Variants in TENM2 observed in about 807,000 individuals in gnomAD.
TENM2 encodes the protein teneurin transmembrane protein 2.
Under a neutral mutation model 245.2 loss-of-function variants are expected in TENM2, and 52 were observed. The ratio of observed to expected loss-of-function variants is 0.21; its 90% confidence interval spans 0.17 to 0.27. The LOEUF (loss-of-function observed/expected upper bound fraction) is 0.27. Among genes scored for constraint, TENM2 ranks in the 10% least tolerant of loss-of-function variants. TENM2 has a pLI of 1.00. For synonymous variants in TENM2, 1,363 were observed against 1,438.9 expected (o/e 0.95, Z 1.19); for missense variants, 3,046 against 3,666.8 (o/e 0.83, Z 4.37).
chr5:167,257,038 C>G, the TENM2 span, among the ~76,000 whole-genome samples: 1 of 152,164 alleles, frequency 6.6e-6, no homozygotes, highest in Admixed American at 6.5e-5. Flanking sequence ...TTCTTCAATA[C>G]TCTAGGAGTT....
chr5:167,549,755 GT>G (rs913331359), intron 2 of TENM2, among the ~76,000 whole-genome samples: 115 of 147,378 alleles, frequency 7.8e-4, no homozygotes, highest in Non-Finnish European at 1.1e-3. Flanking sequence ...GCTGTTTTTT[GT>G]TTTTTTTTTA....
rs115169536 is a variant in TENM2, at chr5:168,071,128, T to A, written c.1515+8863T>A. Among the ~76,000 whole-genome samples the A allele has an allele frequency of 8.3e-3, 1,270 of 152,312 alleles. 14 individuals are homozygous for A. Among genetic ancestry groups the A allele is most frequent in the African/African-American group, 0.029 (1,215 of 41,574 alleles). On this transcript the variant is annotated intron_variant, in intron 7 of 28. Transcript: ENST00000518659. ...CCAATACTTCCAAGCTGTATGACCTTGGGCAAGTCATTCAGCCTTTCTGTG... is the reference window on the plus strand; with the variant it reads ...CCAATACTTCCAAGCTGTATGACCTAGGGCAAGTCATTCAGCCTTTCTGTG...
Position 167,932,561 on chromosome 5 carries a change from A to G in TENM2, c.713-20027A>G, listed in dbSNP as rs546291050. Among the ~76,000 whole-genome samples, 3 of 152,254 alleles carry G rather than the reference A, an allele frequency of 2.0e-5. No homozygotes were observed. In the South Asian group the frequency reaches 6.2e-4, roughly 32 times the overall value. ...ATTCATTCAAACATACATATAATAT[A>G]CAATAAACATACATACATATGTGTG... On this transcript the variant is annotated intron_variant, in intron 3 of 28. Coordinates refer to ENST00000518659, the Ensembl canonical transcript of TENM2.
chr5:167,559,192 G>T (rs569252764), intron 2 of TENM2, among the ~76,000 whole-genome samples: 6 of 152,264 alleles, frequency 3.9e-5, no homozygotes, highest in African/African-American at 9.6e-5. Flanking sequence ...TAGTTGGTTG[G>T]TTGCACTTCT....
At position 167,290,492 on chromosome 5, in the gene TENM2, C is replaced by T. The variant is rs146049491; in HGVS notation, c.226+5429C>T. On this transcript the variant is annotated intron_variant, in intron 1 of 28. Coordinates refer to ENST00000518659, the Ensembl canonical transcript of TENM2. ...GAAGTGGCGATCACTTGCTCTCCGACCCTAATAATACTTTGGTGCAACAGA... is the reference window on the plus strand; with the variant it reads ...GAAGTGGCGATCACTTGCTCTCCGATCCTAATAATACTTTGGTGCAACAGA... 2.7e-3 allele frequency among the ~76,000 whole-genome samples: 404 copies of T among 152,232 alleles called. 8 individuals carry two copies. The East Asian group carries it at 0.045, about 17-fold the overall frequency.
intron 12 of TENM2, among the ~76,000 whole-genome samples, chr5:168,137,095 T>C (rs1422439561): frequency 6.6e-6 from 1 of 152,088 alleles, no homozygotes; most frequent in Non-Finnish European, 1.5e-5. Context: ...AAAAAGTACG[T>C]CCTGCCAGTT....
chr5:166,986,753 G>A, the TENM2 span, among the ~76,000 whole-genome samples: 2 of 152,108 alleles, frequency 1.3e-5, no homozygotes, highest in Non-Finnish European at 2.9e-5. Context: ...GGTAAATTAC[G>A]ACTTATTGTG....
At chr5:167,279,236 C>T in the TENM2 span, among the ~76,000 whole-genome samples, 5 of 152,122 alleles carry the variant, frequency 3.3e-5, no homozygotes, top group Non-Finnish European at 5.9e-5. Context: ...AGAAGTTTGA[C>T]TATGGATGCA....
At chr5:167,475,054 C>A (rs1018699368) in intron 2 of TENM2, among the ~76,000 whole-genome samples, 11 of 152,044 alleles carry the variant, frequency 7.2e-5, no homozygotes, top group African/African-American at 9.7e-5. Context: ...ATTGTCGGAG[C>A]TAACCATAAA....
chr5:167,027,456 T>G, the TENM2 span, among the ~76,000 whole-genome samples: 2 of 152,208 alleles, frequency 1.3e-5, no homozygotes, highest in African/African-American at 2.4e-5. Context: ...AGCATTTAGT[T>G]TATATCTAAA....
intron 2 of TENM2, among the ~76,000 whole-genome samples, chr5:167,709,106 G>A (rs1485458666): frequency 1.3e-5 from 2 of 152,106 alleles, no homozygotes; most frequent in African/African-American, 4.8e-5. Context: ...CAGAGCTCTG[G>A]AGGAAGTCTC....
At chr5:168,020,952 G>A (rs971363080) in intron 5 of TENM2, among the ~76,000 whole-genome samples, 3 of 152,182 alleles carry the variant, frequency 2.0e-5, no homozygotes, top group South Asian at 2.1e-4. Flanking sequence ...GCCAAGGAAC[G>A]AGGAAAAAAA....
intron 27 of TENM2, among the ~76,000 whole-genome samples, chr5:168,259,688 G>A (rs1159026507): frequency 6.6e-6 from 1 of 152,336 alleles, no homozygotes; most frequent in South Asian, 2.1e-4. Context: ...TCCATAGTGA[G>A]CCAGCCTCAG....
intron 2 of TENM2, among the ~76,000 whole-genome samples, chr5:167,872,914 GA>G: frequency 6.6e-6 from 1 of 152,362 alleles, no homozygotes; most frequent in Non-Finnish European, 1.5e-5. Context: ...CAGGCTCCTG[GA>G]AAATTGCACT....
intron 2 of TENM2, among the ~76,000 whole-genome samples, chr5:167,611,502 G>C (rs1292056350): frequency 1.3e-5 from 2 of 152,190 alleles, no homozygotes; most frequent in East Asian, 3.9e-4. Context: ...ACTTGAGCAA[G>C]GTGGGGTTGA....
chr5:168,225,658 G>A (rs1235217301), intron 23 of TENM2, among the ~76,000 whole-genome samples: 5 of 151,932 alleles, frequency 3.3e-5, no homozygotes, highest in African/African-American at 1.2e-4. Flanking sequence ...CTGCTCGGGA[G>A]GCTGAGGCAG....
intron 2 of TENM2, among the ~76,000 whole-genome samples, chr5:167,624,921 G>A (rs1778401025): frequency 1.3e-5 from 2 of 152,138 alleles, no homozygotes; most frequent in African/African-American, 4.8e-5. Context: ...TAGTTGCATT[G>A]ATACCCATTC....
intron 2 of TENM2, among the ~76,000 whole-genome samples, chr5:167,451,588 C>T (rs1372264085): frequency 6.6e-6 from 1 of 152,106 alleles, no homozygotes; most frequent in Non-Finnish European, 1.5e-5. Flanking sequence ...TGTCCGAGAC[C>T]TCTGGGATGA....
chr5:168,231,956 A>G (rs1401457389), intron 25 of TENM2, among the ~76,000 whole-genome samples: 3 of 151,570 alleles, frequency 2.0e-5, no homozygotes, highest in Non-Finnish European at 4.4e-5. Flanking sequence ...AGTCCCAGCT[A>G]TTCGGGAGGC....
Sources: gnomAD v4.1 joint callset for allele counts (sites outside exome capture counted in the v4.1 genomes callset) on GRCh38, gnomAD v4.1.1 for gene constraint, MANE v1.5 for transcripts, NCBI Gene and HGNC (gene_info 2026-07-23, HGNC 2026-07-21) for gene names.